Variants in UPF1 observed in about 807,000 individuals in gnomAD.
UPF1 encodes UPF1 RNA helicase and ATPase, also known as regulator of nonsense transcripts 1.
UPF1 carries 9 observed loss-of-function variants against 129.2 expected under a neutral mutation model. The observed-to-expected ratio is 0.07, with a 90% CI of 0.04 to 0.12. The LOEUF (loss-of-function observed/expected upper bound fraction) is 0.12, where lower values mean the gene tolerates loss of function less well. UPF1 is among the 10% of genes least tolerant of loss of function. The probability of loss-of-function intolerance (pLI) is 1.00; values close to 1 mark genes in which losing one functional copy is unlikely to be tolerated. For missense variants in UPF1, 788 were observed against 1,525.3 expected (o/e 0.52, Z 8.05); for synonymous variants, 649 against 644.9 (o/e 1.01, Z -0.10).
At chr19:18,852,443 C>A in intron 6 of UPF1, 147 bp downstream of exon 6, 2 of 1,214,726 alleles carry the variant, frequency 1.6e-6, no homozygotes, top group African/African-American at 1.6e-5. Flanking sequence ...CTTGCGGATC[C>A]GGGCCTGGCA....
rs141986220 is a variant in UPF1 at position 18,853,820 on chromosome 19, G to A, written c.1156+470G>A. Among the ~76,000 whole-genome samples the A allele has an allele frequency of 0.011, 1,646 of 152,302 alleles. 39 individuals are homozygous for A. Among genetic ancestry groups the A allele is most frequent in the African/African-American group, 0.038 (1,577 of 41,558 alleles). ...TGACCTCATGGTGATGCAGCCTGCC[G>A]GCCAGAGTGGGGCAGCTGTAAGGCA... On this transcript the variant is annotated intron_variant, in intron 8 of 23. Coordinates refer to ENST00000262803, the MANE Select transcript of UPF1 (RefSeq NM_002911.4). This position sits in a 1 kb window ranked among gnomAD's most constrained non-coding sequence, Gnocchi z 4.4.
intron 19 of UPF1, 89 bp from the exon 20 acceptor site, chr19:18,864,081 A>G (rs2055811968): frequency 8.6e-7 from 1 of 1,157,710 alleles, no homozygotes; most frequent in Non-Finnish European, 1.3e-6. Context: ...TCACAGCTGC[A>G]TACCTGCCAC....
chr19:18,851,530 C>T lies in UPF1; in HGVS notation c.811-605C>T, dbSNP rs926121632. ...CGGGTACCTTTCCACTTGGATTTTC[C>T]GGTTGCCAGATGATTTCATGATTCC... On this transcript the variant is annotated intron_variant, in intron 5 of 23. Transcript: ENST00000262803. This position sits in a 1 kb window ranked among gnomAD's most constrained non-coding sequence, Gnocchi z 4.2. Among the ~76,000 whole-genome samples, 11 of 152,092 alleles carry T rather than the reference C, an allele frequency of 7.2e-5. No homozygotes were observed. Among genetic ancestry groups the T allele is most frequent in the East Asian group, 1.9e-4 (1 of 5,196 alleles).
chr19:18,838,393 A>T (rs1470959347), intron 1 of UPF1, among the ~76,000 whole-genome samples: 1 of 152,206 alleles, frequency 6.6e-6, no homozygotes. Context: ...TCACGCCTGT[A>T]ATCTCAGCAC....
chr19:18,863,371 C>G, intron 18 of UPF1, 67 bp from the exon 19 acceptor site: 1 of 1,575,644 alleles, frequency 6.3e-7, no homozygotes, highest in Non-Finnish European at 8.7e-7. Flanking sequence ...GCAGCCTTGC[C>G]TCTTGGACCG....
intron 23 of UPF1, 109 bp from the exon 24 acceptor site, chr19:18,866,412 A>G (rs2055845118): frequency 4.1e-6 from 2 of 493,668 alleles, no homozygotes; most frequent in East Asian, 3.9e-5. Flanking sequence ...TTTCCTCATC[A>G]GAGTCGGGGA....
rs778208160 is a variant in UPF1 at position 18,846,007 on chromosome 19, G to A, written c.259G>A (p.Gly87Arg). 8 of 1,614,138 alleles carry A rather than the reference G, an allele frequency of 5.0e-6. No individual in the cohort carries two copies. The highest frequency in any genetic ancestry group is 1.1e-5 in the South Asian group (1 of 91,084). ...QVGPEGILQNGAVDDSVAKTS... is the reference protein window; with the variant it reads ...QVGPEGILQNRAVDDSVAKTS... ...TGGGCCCGAAGGCATCCTGCAGAACGGGGCTGTGGACGACAGTGTAGCCAA... is the reference window on the plus strand; with the variant it reads ...TGGGCCCGAAGGCATCCTGCAGAACAGGGCTGTGGACGACAGTGTAGCCAA... The change falls in exon 2 of 24, where the codon GGG becomes AGG. Residue 87 changes from glycine (G) to arginine (R), a missense_variant. By Grantham distance (125) the Gly-to-Arg change is moderately radical (BLOSUM62 -2). This residue lies in a region of UPF1 where 112 missense variants were observed against 128.2 expected (regional missense o/e 0.87). Coordinates refer to ENST00000262803, the MANE Select transcript of UPF1 (RefSeq NM_002911.4).
At chr19:18,863,302 C>A in intron 18 of UPF1, 136 bp from the exon 19 acceptor site, 1 of 1,178,506 alleles carries the variant, frequency 8.5e-7, no homozygotes. Context: ...CTGTGGCTGG[C>A]AGCCTGCCTG....
chr19:18,856,992 T>C lies in UPF1; in HGVS notation c.1940T>C (p.Met647Thr). 1.9e-6 allele frequency: 3 copies of C among 1,612,618 alleles called. No homozygotes were observed. Among genetic ancestry groups the C allele is most frequent in the Non-Finnish European group, 2.5e-6 (3 of 1,179,776 alleles). Residue 647 changes from methionine (M) to threonine (T), a missense_variant, in exon 14 of 24, where the codon ATG (methionine) becomes ACG (threonine). Transcript: ENST00000262803. ...ACCCAGGCCACCGAGCCGGAGTGCA[T>C]GGTTCCCGTGGTCCTCGGGGCCAAG... is the stretch of plus-strand genomic sequence containing the variant. ...ESTQATEPEC[M>T]VPVVLGAKQL...
In UPF1 at chr19:18,851,993, G is replaced by A. The variant is rs1015164955; in HGVS notation, c.811-142G>A. The A allele has an allele frequency of 4.3e-5, 54 of 1,252,392 alleles. No individual in the cohort carries two copies. Among genetic ancestry groups the A allele is most frequent in the Admixed American group, 2.6e-4 (8 of 30,320 alleles). The allele number at this position is 1,252,392 out of a possible 1,614,324, so 77.6% of individuals were successfully genotyped here. On this transcript the variant is annotated intron_variant, in intron 5 of 23. Transcript: ENST00000262803. The surrounding 1 kb of genome is among the most constrained non-coding windows in gnomAD (Gnocchi z 4.2). ...GGGTTCTCCTTGCAGGTGGGGCTGC[G>A]CCAGAACCCCTCCATGCCACCCACC... is the stretch of plus-strand genomic sequence containing the variant.
rs776001437 is a variant in UPF1, at chr19:18,853,308, C to T, written c.1114C>T (p.Pro372Ser). The change falls in exon 8 of 24, where the codon CCC becomes TCC. Residue 372 changes from proline (P) to serine (S), a missense_variant. By Grantham distance (74) the Pro-to-Ser change is moderately conservative (BLOSUM62 -1). Around this residue, in one of 6 missense-constraint regions of UPF1, gnomAD observed 227 missense variants for 517.9 expected, o/e 0.44. Transcript: ENST00000262803. The surrounding 1 kb of genome is among the most constrained non-coding windows in gnomAD (Gnocchi z 4.4). ...ICLRYKGDLAPLWKGIGHVIK... is the reference protein window; with the variant it reads ...ICLRYKGDLASLWKGIGHVIK... ...CCTGCGGTACAAAGGGGACCTTGCG[C>T]CCCTGTGGAAAGGGATCGGCCACGT... 6.2e-7 allele frequency: 1 copy of T among 1,613,068 alleles called. No individual in the cohort carries two copies. Among genetic ancestry groups the T allele is most frequent in the Non-Finnish European group, 8.5e-7 (1 of 1,179,356 alleles).
At position 18,851,072 on chromosome 19, in the gene UPF1, A is replaced by G; in HGVS notation, c.810+204A>G. The G allele has an allele frequency of 1.9e-6, 1 of 520,772 alleles. No individual in the cohort carries two copies. Among genetic ancestry groups the G allele is most frequent in the Admixed American group, 3.9e-5 (1 of 25,470 alleles). The allele number at this position is 520,772 out of a possible 1,614,324, so 32.3% of individuals were successfully genotyped here. On this transcript the variant is annotated intron_variant, in intron 5 of 23. Coordinates refer to ENST00000262803, the MANE Select transcript of UPF1 (RefSeq NM_002911.4). This position sits in a 1 kb window ranked among gnomAD's most constrained non-coding sequence, Gnocchi z 4.2. Reference sequence around the variant, plus strand: ...CAGGCAGCCTTACCTGACCGAGAAGATCCTGGCCTTGGGGAAAGGAAAGCT... The same window carrying G: ...CAGGCAGCCTTACCTGACCGAGAAGGTCCTGGCCTTGGGGAAAGGAAAGCT...
chr19:18,859,268 T>TA (rs1247809721), intron 15 of UPF1: 1 of 152,216 alleles, frequency 6.6e-6, no homozygotes, highest in Non-Finnish European at 1.5e-5. Context: ...CACTGCTCTC[T>TA]AATTGATGCA....
Position 18,857,039 on chromosome 19 carries a change from C to A in UPF1, c.1968+19C>A, listed in dbSNP as rs1052123888. The A allele has an allele frequency of 1.3e-6, 2 of 1,599,102 alleles. No homozygotes were observed. The highest frequency in any genetic ancestry group is 1.3e-5 in the African/African-American group (1 of 74,434). On this transcript the variant is annotated intron_variant, in intron 14 of 23. Transcript: ENST00000262803. ...CAAGCAGGTGGGCTGCCTCCCCTGC[C>A]CTCCTGTGTGAAAACTCGTGTGTGT...
chr19:18,848,517 C>T (rs192635728), intron 3 of UPF1: 2 of 152,214 alleles, frequency 1.3e-5, no homozygotes, highest in Non-Finnish European at 2.9e-5. Context: ...TGGAGCAGAG[C>T]CTGGGAGGCA....
intron 1 of UPF1, 64 bp from the exon 2 acceptor site, chr19:18,845,916 G>A (rs1351520374): frequency 2.5e-6 from 4 of 1,579,522 alleles, no homozygotes; most frequent in African/African-American, 2.7e-5. Flanking sequence ...CATCGAGGCT[G>A]GTTCTTCTGC....
intron 15 of UPF1, among the ~76,000 whole-genome samples, chr19:18,859,032 C>T (rs2055748288): frequency 6.6e-6 from 1 of 152,164 alleles, no homozygotes; most frequent in African/African-American, 2.4e-5. Flanking sequence ...CCGGGTTGGG[C>T]CACACCACTC....
In UPF1 at chr19:18,850,582, G is replaced by T; in HGVS notation, c.630-106G>T. 7.8e-7 allele frequency: 1 copy of T among 1,280,592 alleles called. No individual in the cohort carries two copies. The highest frequency in any genetic ancestry group is 1.5e-5 in the African/African-American group (1 of 66,788). 79.3% of individuals were successfully genotyped at this position (1,280,592 alleles called of 1,614,324 possible). A position where few individuals can be genotyped will look rare whatever the true frequency, so the allele number is the denominator to read the frequency against. ...AGGTAATGTGATCACATAATAAAAT[G>T]CAGGGCATGCCCCTTTGGGTGAAAG... On this transcript the variant is annotated intron_variant, in intron 4 of 23. Coordinates refer to ENST00000262803, the MANE Select transcript of UPF1 (RefSeq NM_002911.4). This position sits in a 1 kb window ranked among gnomAD's most constrained non-coding sequence, Gnocchi z 7.1.
At chr19:18,856,824 G>T in intron 13 of UPF1, 53 bp from the exon 14 acceptor site, 1 of 1,560,636 alleles carries the variant, frequency 6.4e-7, no homozygotes, top group Non-Finnish European at 8.7e-7. Flanking sequence ...GCCCTCCGGG[G>T]TCTGGTGGCG....
Sources: allele counts gnomAD v4.1 joint callset (sites outside exome capture counted in the v4.1 genomes callset), GRCh38; gene constraint gnomAD v4.1.1; regional missense constraint gnomAD v4.1.1; non-coding constraint Gnocchi (gnomAD v3.1); transcripts MANE v1.5; gene names NCBI Gene and HGNC (gene_info 2026-07-23, HGNC 2026-07-21).